Variants in SLC5A9 observed in about 807,000 individuals in gnomAD.
The protein encoded by SLC5A9 is solute carrier family 5 member 9.
Under a neutral mutation model 70.9 loss-of-function variants are expected in SLC5A9, and 59 were observed. The observed-to-expected ratio is 0.83, with a 90% CI of 0.68 to 1.03. SLC5A9 has a LOEUF of 1.03. SLC5A9 is among the 50% of genes least tolerant of loss of function. SLC5A9 has a pLI of 0.00. For synonymous variants in SLC5A9, 340 were observed against 346.5 expected (o/e 0.98, Z 0.21); for missense variants, 832 against 881.1 (o/e 0.94, Z 0.71).
At position 48,247,804 on chromosome 1, in the gene SLC5A9, C is replaced by T; in HGVS notation, c.*261C>T. Reference sequence around the variant, plus strand: ...CCACTCTTTCTGATATATTGCCTTACAGACCTACCTCAAACACACTGTTTC... The same window carrying T: ...CCACTCTTTCTGATATATTGCCTTATAGACCTACCTCAAACACACTGTTTC... On this transcript the variant is annotated 3_prime_UTR_variant, in exon 14 of 14. Coordinates refer to ENST00000438567, the MANE Select transcript of SLC5A9 (RefSeq NM_001011547.3). 1 of 536,772 alleles carries T rather than the reference C, an allele frequency of 1.9e-6. No homozygotes were observed. The highest frequency in any genetic ancestry group is 3.4e-6 in the Non-Finnish European group (1 of 297,794). The allele number at this position is 536,772 out of a possible 1,614,324, so 33.3% of individuals were successfully genotyped here.
At position 48,239,375 on chromosome 1, in the gene SLC5A9, C is replaced by A. The variant is rs1233145983; in HGVS notation, c.1515C>A (p.Ile505=). The A allele has an allele frequency of 3.1e-6, 5 of 1,614,126 alleles. No individual in the cohort carries two copies. The highest frequency in any genetic ancestry group is 4.2e-6 in the Non-Finnish European group (5 of 1,180,010). The change falls in exon 12 of 14, where the codon ATC becomes ATA. Residue 505 remains isoleucine (I), a synonymous_variant. Coordinates refer to ENST00000438567, the MANE Select transcript of SLC5A9 (RefSeq NM_001011547.3). The surrounding 1 kb of genome is among the most constrained non-coding windows in gnomAD (Gnocchi z 4.2). ...FGLGVGLLRM[I]LEFSYPAPAC... ...TGGGAGTGGGGCTTCTGCGTATGATCCTGGAGTTCTCATACCCAGCGCCAG... is the reference window on the plus strand; with the variant it reads ...TGGGAGTGGGGCTTCTGCGTATGATACTGGAGTTCTCATACCCAGCGCCAG...
chr1:48,239,145 C>G lies in SLC5A9; in HGVS notation c.1462-177C>G, dbSNP rs1325522442. Among the ~76,000 whole-genome samples the G allele has an allele frequency of 2.6e-5, 4 of 152,198 alleles. No individual in the cohort carries two copies. Among genetic ancestry groups the G allele is most frequent in the Admixed American group, 6.5e-5 (1 of 15,290 alleles). ...ACTCTAGAGCCCCTATTCCACTGTG[C>G]CTTTAAGTCAAGACGAAGTCTCAGT... On this transcript the variant is annotated intron_variant, in intron 11 of 13. Coordinates refer to ENST00000438567, the MANE Select transcript of SLC5A9 (RefSeq NM_001011547.3). This position sits in a 1 kb window ranked among gnomAD's most constrained non-coding sequence, Gnocchi z 4.2.
In SLC5A9 at chr1:48,222,794, G is replaced by A; in HGVS notation, c.58G>A (p.Glu20Lys). The A allele has an allele frequency of 1.2e-6, 2 of 1,614,206 alleles. No homozygotes were observed. The highest frequency in any genetic ancestry group is 1.1e-5 in the South Asian group (1 of 91,086). ...AGCTTCAGGGGACGGGGTCAGGACTGAGACAGCTCCACACATAGCACTGGA... is the reference window on the plus strand; with the variant it reads ...AGCTTCAGGGGACGGGGTCAGGACTAAGACAGCTCCACACATAGCACTGGA... Reference protein sequence around the residue: ...PGASGDGVRTETAPHIALDSR... With the variant: ...PGASGDGVRTKTAPHIALDSR... The change falls in exon 1 of 14, where the codon GAG becomes AAG. Residue 20 changes from glutamate to lysine, a missense_variant. By Grantham distance (56) the Glu-to-Lys change is moderately conservative. Transcript: ENST00000438567.
chr1:48,244,742 A>ATAAAT (rs1644431891), intron 13 of SLC5A9, among the ~76,000 whole-genome samples: 1 of 132,884 alleles, frequency 7.5e-6, no homozygotes, highest in South Asian at 2.1e-4. Context: ...TATAATATAT[A>ATAAAT]TAAATTATAT....
intron 13 of SLC5A9, among the ~76,000 whole-genome samples, chr1:48,246,486 A>ATATT (rs1338880949): frequency 6.6e-6 from 1 of 152,176 alleles, no homozygotes; most frequent in Non-Finnish European, 1.5e-5. Context: ...AAGGATTTTT[A>ATATT]TATTAATTTT....
chr1:48,228,972 G>A lies in SLC5A9; in HGVS notation c.339+18G>A, dbSNP rs1223149738. 1 of 1,613,238 alleles carries A rather than the reference G, an allele frequency of 6.2e-7. No homozygotes were observed. Among genetic ancestry groups the A allele is most frequent in the Non-Finnish European group, 8.5e-7 (1 of 1,180,024 alleles). ...AGTGGAACGTAAGGAAGCTGGCCTG[G>A]TTTCTCCAGAATACTGAGGGTCTAA... On this transcript the variant is annotated intron_variant, in intron 3 of 13. Coordinates refer to ENST00000438567, the MANE Select transcript of SLC5A9 (RefSeq NM_001011547.3).
Position 48,239,370 on chromosome 1 carries a change from A to G in SLC5A9, c.1510A>G (p.Met504Val). 6.2e-7 allele frequency: 1 copy of G among 1,614,040 alleles called. No individual in the cohort carries two copies. Among genetic ancestry groups the G allele is most frequent in the East Asian group, 2.2e-5 (1 of 44,862 alleles). Residue 504 changes from methionine (M) to valine (V), a missense_variant, in exon 12 of 14, where the codon ATG becomes GTG. Coordinates refer to ENST00000438567, the MANE Select transcript of SLC5A9 (RefSeq NM_001011547.3). The surrounding 1 kb of genome is among the most constrained non-coding windows in gnomAD (Gnocchi z 4.2). Reference protein sequence around the residue: ...VFGLGVGLLRMILEFSYPAPA... With the variant: ...VFGLGVGLLRVILEFSYPAPA... ...TGGCCTGGGAGTGGGGCTTCTGCGT[A>G]TGATCCTGGAGTTCTCATACCCAGC...
At chr1:48,232,634 A>T (rs1413830844) in intron 8 of SLC5A9, 132 bp downstream of exon 8, 1 of 1,209,150 alleles carries the variant, frequency 8.3e-7, no homozygotes, top group Non-Finnish European at 1.2e-6. Flanking sequence ...AAGAATACAT[A>T]GCCGGTCATG....
At chr1:48,235,983 C>A in intron 10 of SLC5A9, 104 bp downstream of exon 10, 1 of 1,360,548 alleles carries the variant, frequency 7.3e-7, no homozygotes. Flanking sequence ...GGACTGGCAG[C>A]CAGAGCACCG....
At position 48,231,960 on chromosome 1, in the gene SLC5A9, G is replaced by A. The variant is rs1392739156; in HGVS notation, c.706G>A (p.Gly236Ser). The change falls in exon 7 of 14, where the codon GGC becomes AGC. Residue 236 changes from glycine (G) to serine (S), a missense_variant. By Grantham distance (56) the Gly-to-Ser change is moderately conservative. Coordinates refer to ENST00000438567, the MANE Select transcript of SLC5A9 (RefSeq NM_001011547.3). ...VLMFLGFQDV[G>S]WYPGLEQRYR... is the part of the protein sequence containing the mutation. Reference sequence around the variant, plus strand: ...TCTCCTCACAGGCTTTCAGGACGTGGGCTGGTACCCAGGCCTGGAGCAGCG... The same window carrying A: ...TCTCCTCACAGGCTTTCAGGACGTGAGCTGGTACCCAGGCCTGGAGCAGCG... The A allele has an allele frequency of 3.1e-6, 5 of 1,614,124 alleles. No individual in the cohort carries two copies. The highest frequency in any genetic ancestry group is 4.2e-6 in the Non-Finnish European group (5 of 1,180,028).
intron 2 of SLC5A9, chr1:48,228,638 A>G: frequency 2.7e-6 from 2 of 733,832 alleles, no homozygotes; most frequent in South Asian, 2.1e-5. Flanking sequence ...CCATGAATTC[A>G]TCTTTCCTTA....
At chr1:48,225,664 A>C (rs577176894) in intron 2 of SLC5A9, among the ~76,000 whole-genome samples, 1 of 152,094 alleles carries the variant, frequency 6.6e-6, no homozygotes, top group African/African-American at 2.4e-5. Context: ...CACAACACTC[A>C]CACTCACATA....
At chr1:48,245,749 C>A (rs1019206016) in intron 13 of SLC5A9, among the ~76,000 whole-genome samples, 18 of 152,164 alleles carry the variant, frequency 1.2e-4, no homozygotes, top group African/African-American at 3.6e-4. Context: ...ATTGCTTGAA[C>A]TCAGGAGTCA....
intron 11 of SLC5A9, chr1:48,238,281 A>G (rs774588766): frequency 5.3e-5 from 9 of 170,376 alleles, no homozygotes; most frequent in Non-Finnish European, 1.1e-4. Context: ...AGTGTGTGTG[A>G]ACGTGCAAGA....
At position 48,229,386 on chromosome 1, in the gene SLC5A9, G is replaced by A. The variant is rs369420774; in HGVS notation, c.431G>A (p.Arg144Gln). 6.4e-5 allele frequency: 104 copies of A among 1,614,046 alleles called. No individual in the cohort carries two copies. The East Asian group carries it at 1.7e-3, about 27-fold the overall frequency. Residue 144 changes from arginine (R) to glutamine (Q), a missense_variant, in exon 4 of 14, where the codon CGA becomes CAA. Transcript: ENST00000438567. ...ACAATGCCGCAGTATCTGAAGAAGC[G>A]ATTTGGGGGCCAGAGGATCCAGGTG... is the stretch of plus-strand genomic sequence containing the variant. The part of the protein sequence containing the change: ...VVTMPQYLKK[R>Q]FGGQRIQVYM...
At position 48,239,431 on chromosome 1, in the gene SLC5A9, T is replaced by C. The variant is rs754194259; in HGVS notation, c.1571T>C (p.Val524Ala). 6.2e-7 allele frequency: 1 copy of C among 1,614,186 alleles called. No homozygotes were observed. The highest frequency in any genetic ancestry group is 8.5e-7 in the Non-Finnish European group (1 of 1,180,024). The change falls in exon 12 of 14, where the codon GTG becomes GCG. Residue 524 changes from valine (V) to alanine (A), a missense_variant. Transcript: ENST00000438567. This position sits in a 1 kb window ranked among gnomAD's most constrained non-coding sequence, Gnocchi z 4.2. The stretch of plus-strand genomic sequence containing the variant: ...GGGGAGGTGGACCGGAGGCCAGCAG[T>C]GCTGAAGGACTTCCACTACCTGTAC... ...ACGEVDRRPA[V>A]LKDFHYLYFA...
chr1:48,247,481 T>C lies in SLC5A9; in HGVS notation c.1984T>C (p.Cys662Arg). Reference protein sequence around the residue: ...IEEEPLWRHVCNINAVLLLAI... With the variant: ...IEEEPLWRHVRNINAVLLLAI... The stretch of plus-strand genomic sequence containing the variant: ...GGAGGAGCCACTCTGGAGACATGTC[T>C]GCAACATCAATGCTGTCCTTTTGCT... Residue 662 changes from cysteine to arginine, a missense_variant, in exon 14 of 14, where the codon TGC (cysteine) becomes CGC (arginine). Physicochemically the swap from Cys to Arg is radical, Grantham distance 180 (BLOSUM62 -3). Transcript: ENST00000438567. 6.2e-7 allele frequency: 1 copy of C among 1,614,210 alleles called. No individual in the cohort carries two copies. Among genetic ancestry groups the C allele is most frequent in the African/African-American group, 1.3e-5 (1 of 75,050 alleles).
intron 12 of SLC5A9, chr1:48,241,843 G>A (rs1644394772): frequency 1.6e-5 from 7 of 442,404 alleles, no homozygotes; most frequent in South Asian, 1.1e-4. Context: ...GTCACCCAAG[G>A]CAGGAACCCT....
rs753886062 is a variant in SLC5A9 at position 48,222,786 on chromosome 1, T to A, written c.50T>A (p.Val17Asp). ...GGGCCTGGAGCTTCAGGGGACGGGG[T>A]CAGGACTGAGACAGCTCCACACATA... is the stretch of plus-strand genomic sequence containing the variant. ...AMGPGASGDG[V>D]RTETAPHIAL... Residue 17 changes from valine (V) to aspartate (D), a missense_variant, in exon 1 of 14, where the codon GTC (valine) becomes GAC (aspartate). Val to Asp is a radical substitution (Grantham distance 152). Coordinates refer to ENST00000438567, the MANE Select transcript of SLC5A9 (RefSeq NM_001011547.3). 7 of 1,613,710 alleles carry A rather than the reference T, an allele frequency of 4.3e-6. No homozygotes were observed. In the East Asian group the frequency reaches 1.6e-4, roughly 36 times the overall value.
Sources: gnomAD v4.1 joint callset for allele counts (sites outside exome capture counted in the v4.1 genomes callset) on GRCh38, gnomAD v4.1.1 for gene constraint, Gnocchi (gnomAD v3.1) non-coding constraint, MANE v1.5 for transcripts, NCBI Gene and HGNC (gene_info 2026-07-23, HGNC 2026-07-21) for gene names.